Variants in CCDC146 observed in about 807,000 individuals in gnomAD.
CCDC146 encodes the protein coiled-coil domain-containing protein 146.
In CCDC146, 92 loss-of-function variants were observed where a neutral mutation model predicts 119.3. The ratio of observed to expected loss-of-function variants is 0.77; its 90% CI spans 0.65 to 0.92. The LOEUF (loss-of-function observed/expected upper bound fraction) is 0.92. Ranked by LOEUF, CCDC146 falls within the 40% of genes least tolerant of loss-of-function variation. CCDC146 has a pLI of 0.00. For synonymous variants in CCDC146, 372 were observed against 371.8 expected (o/e 1.00, Z -0.01); for missense variants, 1,000 against 1,103.0 (o/e 0.91, Z 1.32).
chr7:77,125,185 ACT>A (rs1437673745), intron 1 of CCDC146, among the ~76,000 whole-genome samples: 1 of 150,764 alleles, frequency 6.6e-6, no homozygotes, highest in Non-Finnish European at 1.5e-5. Context: ...CAAGAGTGAA[ACT>A]CTGTCTCAAT....
chr7:77,196,240 T>C lies in CCDC146; in HGVS notation c.156+28416T>C. 6.9e-7 allele frequency: 1 copy of C among 1,444,182 alleles called. No homozygotes were observed. Among genetic ancestry groups the C allele is most frequent in the Non-Finnish European group, 9.6e-7 (1 of 1,045,446 alleles). 89.5% of individuals were successfully genotyped at this position (1,444,182 alleles called of 1,614,324 possible). On this transcript the variant is annotated intron_variant, in intron 2 of 18. Transcript: ENST00000285871. The surrounding 1 kb of genome is among the most constrained non-coding windows in gnomAD (Gnocchi z 4.2). The stretch of plus-strand genomic sequence containing the variant: ...AAAGTGCTGAAGGAATTAATTGCCC[T>C]ATTAGATAACGAATACCTGGAGGAA...
chr7:77,292,827 T>G, intron 17 of CCDC146, 125 bp from the exon 18 acceptor site: 1 of 951,240 alleles, frequency 1.1e-6, no homozygotes. Flanking sequence ...TTCTGTGAAT[T>G]CCAAGTTAGA....
intron 2 of CCDC146, among the ~76,000 whole-genome samples, 181 bp from the exon 3 acceptor site, chr7:77,236,766 G>T (rs931166775): frequency 1.3e-5 from 2 of 152,178 alleles, no homozygotes; most frequent in African/African-American, 4.8e-5. Context: ...TGTACTGGGG[G>T]CAGAATAGAA....
intron 2 of CCDC146, among the ~76,000 whole-genome samples, chr7:77,187,263 C>A (rs983627194): frequency 6.6e-6 from 1 of 152,054 alleles, no homozygotes; most frequent in Admixed American, 6.6e-5. Context: ...GTAGAGGTTA[C>A]TTCCTTATGC....
intron 1 of CCDC146, among the ~76,000 whole-genome samples, chr7:77,127,233 G>A (rs1222622276): frequency 6.6e-6 from 1 of 152,140 alleles, no homozygotes; most frequent in Non-Finnish European, 1.5e-5. Context: ...GGAGGCCCAG[G>A]TCAGCAGCTG....
At position 77,177,431 on chromosome 7, in the gene CCDC146, T is replaced by C. The variant is rs189256921; in HGVS notation, c.156+9607T>C. 1.1e-3 allele frequency among the ~76,000 whole-genome samples: 160 copies of C among 152,330 alleles called. 3 individuals carry two copies. Among genetic ancestry groups the C allele is most frequent in the Admixed American group, 8.2e-3 (125 of 15,296 alleles). On this transcript the variant is annotated intron_variant, in intron 2 of 18. Coordinates refer to ENST00000285871, the MANE Select transcript of CCDC146 (RefSeq NM_020879.3). ...TGTAATAGGAGTTTTGAGATATTGCTATTTCCATCTTAAAGATTCTGGAAG... is the reference window on the plus strand; with the variant it reads ...TGTAATAGGAGTTTTGAGATATTGCCATTTCCATCTTAAAGATTCTGGAAG...
intron 1 of CCDC146, among the ~76,000 whole-genome samples, chr7:77,142,204 A>G (rs1198001389): frequency 6.6e-6 from 1 of 152,190 alleles, no homozygotes; most frequent in Non-Finnish European, 1.5e-5. Context: ...ATAGTATTGG[A>G]AGTTCTGGCC....
intron 1 of CCDC146, among the ~76,000 whole-genome samples, chr7:77,130,621 C>T (rs1185050165): frequency 2.3e-5 from 3 of 130,854 alleles, no homozygotes; most frequent in Admixed American, 1.6e-4. Context: ...TTTTTTGAGA[C>T]GGAGTTTCGC....
chr7:77,260,202 G>C lies in CCDC146; in HGVS notation c.952G>C (p.Ala318Pro). 6.2e-7 allele frequency: 1 copy of C among 1,613,634 alleles called. No individual in the cohort carries two copies. The highest frequency in any genetic ancestry group is 8.5e-7 in the Non-Finnish European group (1 of 1,179,908). Residue 318 changes from alanine (A) to proline (P), a missense_variant, in exon 8 of 19, where the codon GCC becomes CCC. Physicochemically the swap from Ala to Pro is conservative, Grantham distance 27. Transcript: ENST00000285871. ...HNQLVKLLEL[A>P]RENEATSLTE... ...CCAATTGGTCAAGCTATTGGAATTA[G>C]CCAGAGAGAATGAAGCAACTTCATT...
At chr7:77,218,296 TTA>T (rs909164995) in intron 2 of CCDC146, among the ~76,000 whole-genome samples, 6 of 150,010 alleles carry the variant, frequency 4.0e-5, no homozygotes, top group African/African-American at 1.5e-4. Flanking sequence ...TATATAAATT[TTA>T]TATATTAAAT....
At position 77,244,171 on chromosome 7, in the gene CCDC146, A is replaced by G. The variant is rs575883436; in HGVS notation, c.449+2271A>G. Reference sequence around the variant, plus strand: ...AATTTAATTAAAAACCTTACATAATAAGAATACAAAGGAAGAAAATATTTT... The same window carrying G: ...AATTTAATTAAAAACCTTACATAATGAGAATACAAAGGAAGAAAATATTTT... On this transcript the variant is annotated intron_variant, in intron 4 of 18. Coordinates refer to ENST00000285871, the MANE Select transcript of CCDC146 (RefSeq NM_020879.3). 2.8e-3 allele frequency among the ~76,000 whole-genome samples: 419 copies of G among 152,326 alleles called. 3 individuals carry two copies. Among genetic ancestry groups the G allele is most frequent in the African/African-American group, 9.5e-3 (393 of 41,564 alleles).
intron 1 of CCDC146, among the ~76,000 whole-genome samples, chr7:77,130,638 G>A (rs1455066884): frequency 7.8e-5 from 10 of 127,674 alleles, no homozygotes; most frequent in Non-Finnish European, 1.4e-4. Flanking sequence ...TCGCTCTGTC[G>A]CCCAGGCTGG....
chr7:77,123,041 A>G (rs1302264871), intron 1 of CCDC146, among the ~76,000 whole-genome samples: 1 of 143,504 alleles, frequency 7.0e-6, no homozygotes, highest in Non-Finnish European at 1.5e-5. Flanking sequence ...CTTGCCTCAA[A>G]GGGTTTTTGT....
At chr7:77,226,138 A>C (rs1268607529) in intron 2 of CCDC146, among the ~76,000 whole-genome samples, 2 of 152,240 alleles carry the variant, frequency 1.3e-5, no homozygotes, top group African/African-American at 4.8e-5. Context: ...GGAAAAGTCA[A>C]AGGAAGCAGT....
At chr7:77,188,886 A>G (rs575876516) in intron 2 of CCDC146, among the ~76,000 whole-genome samples, 38 of 152,292 alleles carry the variant, frequency 2.5e-4, no homozygotes, top group African/African-American at 8.9e-4. Context: ...CTTGAATGAC[A>G]TCATTACAGG....
At chr7:77,189,993 C>T (rs1310655384) in intron 2 of CCDC146, among the ~76,000 whole-genome samples, 1 of 152,124 alleles carries the variant, frequency 6.6e-6, no homozygotes, top group African/African-American at 2.4e-5. Context: ...ATATATTTGT[C>T]TCTACTACCC....
chr7:77,182,525 A>G (rs1261923536), intron 2 of CCDC146, among the ~76,000 whole-genome samples: 1 of 152,170 alleles, frequency 6.6e-6, no homozygotes, highest in African/African-American at 2.4e-5. Flanking sequence ...TAATCCCAGC[A>G]CTTTGGAAGG....
chr7:77,139,174 G>A lies in CCDC146; in HGVS notation c.-12+16442G>A, dbSNP rs184062781. ...CATCCAGATGATGGAATATTATTCAGCAATAAAAAGAAATGAGCTGTCAAG... is the reference window on the plus strand; with the variant it reads ...CATCCAGATGATGGAATATTATTCAACAATAAAAAGAAATGAGCTGTCAAG... On this transcript the variant is annotated intron_variant, in intron 1 of 18. Transcript: ENST00000285871. Among the ~76,000 whole-genome samples the A allele has an allele frequency of 9.5e-4, 144 of 152,278 alleles. 1 individual carries two copies. The highest frequency in any genetic ancestry group is 3.3e-3 in the African/African-American group (139 of 41,552).
At chr7:77,289,293 G>C (rs913368733) in intron 17 of CCDC146, among the ~76,000 whole-genome samples, 5 of 152,216 alleles carry the variant, frequency 3.3e-5, no homozygotes, top group African/African-American at 1.2e-4. Flanking sequence ...CAACAGTAAT[G>C]CTAAAGAAAT....
Sources: allele counts gnomAD v4.1 joint callset (sites outside exome capture counted in the v4.1 genomes callset), GRCh38; gene constraint gnomAD v4.1.1; non-coding constraint Gnocchi (gnomAD v3.1); transcripts MANE v1.5; gene names NCBI Gene and HGNC (gene_info 2026-07-23, HGNC 2026-07-21).